The following PGGT1B variants were observed in gnomAD, a reference collection of about 807,000 sequenced individuals.
PGGT1B encodes geranylgeranyl transferase type-1 subunit beta.
Under a neutral mutation model 46.1 loss-of-function variants are expected in PGGT1B, and 30 were observed. The ratio of observed to expected loss-of-function variants is 0.65; its 90% CI spans 0.49 to 0.88. PGGT1B has a LOEUF of 0.88. Among genes scored for constraint, PGGT1B ranks in the 40% least tolerant of loss-of-function variants. The pLI is 0.00. For synonymous variants in PGGT1B, 170 were observed against 160.0 expected (o/e 1.06, Z -0.47); for missense variants, 376 against 455.9 (o/e 0.82, Z 1.60).
intron 3 of PGGT1B, among the ~76,000 whole-genome samples, chr5:115,241,301 T>C (rs927363664): frequency 6.6e-6 from 1 of 152,170 alleles, no homozygotes; most frequent in African/African-American, 2.4e-5. Context: ...TAGAAATTTG[T>C]GTGTGTTTAT....
intron 8 of PGGT1B, among the ~76,000 whole-genome samples, chr5:115,215,356 T>C (rs906105079): frequency 2.6e-5 from 4 of 152,070 alleles, no homozygotes; most frequent in African/African-American, 7.2e-5. Context: ...TGGAGTGCAG[T>C]GGTGTGACCT....
rs895833625 is a variant in PGGT1B, at chr5:115,208,580, A to C, written c.*3822T>G. On this transcript the variant is annotated 3_prime_UTR_variant, in exon 9 of 9. Transcript: ENST00000419445. ...TTTACTATTTCCCCCTTGTCATTTA[A>C]ATTTTTGTATTTGTGCTTCCTCCTT... 1.2e-4 allele frequency: 18 copies of C among 151,946 alleles called. No homozygotes were observed. The highest frequency in any genetic ancestry group is 1.3e-4 in the Non-Finnish European group (9 of 67,922). The allele number at this position is 151,946 out of a possible 1,614,324, so 9.4% of individuals were successfully genotyped here.
chr5:115,239,847 T>C (rs1757297757), intron 3 of PGGT1B, among the ~76,000 whole-genome samples: 1 of 152,138 alleles, frequency 6.6e-6, no homozygotes, highest in African/African-American at 2.4e-5. Context: ...ATTGTGACAA[T>C]AGTGGGAGGA....
intron 7 of PGGT1B, among the ~76,000 whole-genome samples, chr5:115,219,106 C>T (rs546104790): frequency 1.3e-5 from 2 of 151,756 alleles, no homozygotes; most frequent in Admixed American, 6.6e-5. Flanking sequence ...AAGTCAATTA[C>T]CAGATTCATA....
intron 2 of PGGT1B, among the ~76,000 whole-genome samples, chr5:115,243,982 G>A (rs1276642534): frequency 2.0e-5 from 3 of 151,968 alleles, no homozygotes; most frequent in South Asian, 2.1e-4. Flanking sequence ...TTCTGTGTTC[G>A]TCTGCTGTTC....
At chr5:115,213,589 C>A (rs1248280993) in intron 8 of PGGT1B, among the ~76,000 whole-genome samples, 1 of 152,126 alleles carries the variant, frequency 6.6e-6, no homozygotes, top group East Asian at 1.9e-4. Context: ...CTGGGCAATA[C>A]GGTGAAGCTC....
rs1369489398 is a variant in PGGT1B at position 115,209,804 on chromosome 5, C to T, written c.*2598G>A. The T allele has an allele frequency of 6.6e-6, 1 of 152,058 alleles. No individual in the cohort carries two copies. The highest frequency in any genetic ancestry group is 2.1e-4 in the South Asian group (1 of 4,834). 9.4% of individuals were successfully genotyped at this position (152,058 alleles called of 1,614,324 possible). A position where few individuals can be genotyped will look rare whatever the true frequency, so the allele number is the denominator to read the frequency against. On this transcript the variant is annotated 3_prime_UTR_variant, in exon 9 of 9. Coordinates refer to ENST00000419445, the MANE Select transcript of PGGT1B (RefSeq NM_005023.4). ...TGTATTCCAGGTACTATCCTAAGTG[C>T]TTTATCTGTATTATCTCATTTAATC...
chr5:115,215,582 G>A (rs1025266509), intron 8 of PGGT1B, among the ~76,000 whole-genome samples: 4 of 152,220 alleles, frequency 2.6e-5, no homozygotes, highest in African/African-American at 9.6e-5. Flanking sequence ...ACAGGCGTGA[G>A]CCAAAACTCC....
intron 6 of PGGT1B, among the ~76,000 whole-genome samples, chr5:115,229,646 G>A (rs1756916276): frequency 6.6e-6 from 1 of 152,138 alleles, no homozygotes; most frequent in African/African-American, 2.4e-5. Context: ...CACAGGTGAG[G>A]TGACTCCTTA....
chr5:115,243,291 A>T (rs1757405624), intron 2 of PGGT1B, among the ~76,000 whole-genome samples: 1 of 152,242 alleles, frequency 6.6e-6, no homozygotes, highest in Admixed American at 6.5e-5. Context: ...TAATAGTGAA[A>T]ATCTAGAAGC....
At chr5:115,221,441 T>C (rs1322652379) in intron 7 of PGGT1B, among the ~76,000 whole-genome samples, 1 of 152,042 alleles carries the variant, frequency 6.6e-6, no homozygotes, top group Non-Finnish European at 1.5e-5. Context: ...TCTTTTAAGA[T>C]TAATACCTTC....
At chr5:115,237,241 T>C (rs1051615653) in intron 4 of PGGT1B, among the ~76,000 whole-genome samples, 1 of 152,316 alleles carries the variant, frequency 6.6e-6, no homozygotes. Flanking sequence ...TATTAGTAGA[T>C]GGAGCACAAA....
intron 5 of PGGT1B, 30 bp from the exon 6 acceptor site, chr5:115,231,051 T>C (rs747964231): frequency 4.0e-6 from 5 of 1,255,126 alleles, no homozygotes; most frequent in African/African-American, 1.5e-5. Flanking sequence ...TTCAGTTTAA[T>C]AGGGAAATAA....
chr5:115,217,000 T>C (rs955250199), intron 7 of PGGT1B, 27 bp from the exon 8 acceptor site: 8 of 1,001,984 alleles, frequency 8.0e-6, no homozygotes, highest in Non-Finnish European at 1.3e-5. Context: ...AATAAAAATT[T>C]ACTGACATAA....
chr5:115,257,265 C>A (rs1748360560), intron 1 of PGGT1B, among the ~76,000 whole-genome samples: 1 of 152,152 alleles, frequency 6.6e-6, no homozygotes, highest in African/African-American at 2.4e-5. Context: ...GCAATCCCAG[C>A]ACTTTGGGAG....
At chr5:115,257,073 C>A (rs1748350312) in intron 1 of PGGT1B, among the ~76,000 whole-genome samples, 1 of 152,090 alleles carries the variant, frequency 6.6e-6, no homozygotes, top group Non-Finnish European at 1.5e-5. Flanking sequence ...GTTTATCTTA[C>A]AAGGATGAAA....
intron 6 of PGGT1B, among the ~76,000 whole-genome samples, chr5:115,229,834 A>C (rs1756922952): frequency 6.6e-6 from 1 of 152,104 alleles, no homozygotes; most frequent in Non-Finnish European, 1.5e-5. Context: ...CATCTCATAG[A>C]GACTCAGGCA....
At chr5:115,219,305 A>C (rs1756517780) in intron 7 of PGGT1B, among the ~76,000 whole-genome samples, 1 of 151,898 alleles carries the variant, frequency 6.6e-6, no homozygotes, top group East Asian at 1.9e-4. Flanking sequence ...ACATATATAT[A>C]GTCAACTGAC....
At chr5:115,212,725 C>G (rs1364071896) in intron 8 of PGGT1B, 142 bp from the exon 9 acceptor site, 3 of 545,836 alleles carry the variant, frequency 5.5e-6, no homozygotes, top group African/African-American at 2.0e-5. Flanking sequence ...AAAATATTTG[C>G]TTTCTCAAAG....
Sources: allele counts gnomAD v4.1 joint callset (sites outside exome capture counted in the v4.1 genomes callset), GRCh38; gene constraint gnomAD v4.1.1; transcripts MANE v1.5; gene names NCBI Gene and HGNC (gene_info 2026-07-23, HGNC 2026-07-21).